Variants in TSPAN18 observed in about 807,000 individuals in gnomAD.
TSPAN18 encodes tetraspanin-18.
In TSPAN18, 14 loss-of-function variants were observed where a neutral mutation model predicts 27.3. The ratio of observed to expected loss-of-function variants is 0.51; its 90% CI spans 0.34 to 0.80. The LOEUF (loss-of-function observed/expected upper bound fraction) is 0.80. TSPAN18 is among the 30% of genes least tolerant of loss of function. TSPAN18 has a pLI of 0.01. For missense variants in TSPAN18, 268 were observed against 323.9 expected, an observed-to-expected ratio of 0.83 and a Z score of 1.32; for synonymous variants, 143 against 136.5, an observed-to-expected ratio of 1.05 and a Z score of -0.33.
intron 2 of TSPAN18, among the ~76,000 whole-genome samples, chr11:44,792,624 C>CT (rs1305906188): frequency 2.6e-5 from 4 of 152,168 alleles, no homozygotes; most frequent in African/African-American, 9.7e-5. Flanking sequence ...CCATCATGGG[C>CT]TTTGGTGGAG....
intron 2 of TSPAN18, among the ~76,000 whole-genome samples, chr11:44,787,814 C>T (rs1282203397): frequency 2.0e-5 from 3 of 152,088 alleles, no homozygotes; most frequent in Admixed American, 6.5e-5. Context: ...TCCTTTTTTG[C>T]GAGGGTGCTC....
intron 2 of TSPAN18, among the ~76,000 whole-genome samples, chr11:44,832,379 G>T (rs1053106314): frequency 6.6e-6 from 1 of 152,134 alleles, no homozygotes; most frequent in Non-Finnish European, 1.5e-5. Context: ...TTGATGGAGA[G>T]TAAACCTCAT....
chr11:44,807,011 A>C (rs1051337546), intron 2 of TSPAN18, among the ~76,000 whole-genome samples: 1 of 152,066 alleles, frequency 6.6e-6, no homozygotes, highest in Non-Finnish European at 1.5e-5. Context: ...TGCTTAAGAC[A>C]AAGTTTAAAA....
At chr11:44,840,692 G>A (rs544194057) in intron 2 of TSPAN18, among the ~76,000 whole-genome samples, 54 of 152,264 alleles carry the variant, frequency 3.5e-4, no homozygotes, top group African/African-American at 1.2e-3. Flanking sequence ...AACACACCAC[G>A]TTCATTATCC....
intron 3 of TSPAN18, among the ~76,000 whole-genome samples, chr11:44,879,147 C>T (rs1439676816): frequency 6.6e-6 from 1 of 152,144 alleles, no homozygotes; most frequent in Non-Finnish European, 1.5e-5. Flanking sequence ...TATAGTTGCT[C>T]CCCAGAAATG....
At chr11:44,761,089 G>C (rs1254921564) in intron 1 of TSPAN18, among the ~76,000 whole-genome samples, 1 of 152,146 alleles carries the variant, frequency 6.6e-6, no homozygotes, top group African/African-American at 2.4e-5. Context: ...TAGATAGGTC[G>C]CTTGCTCTGG....
In TSPAN18 at chr11:44,756,387, AT is replaced by A. The variant is rs923272180; in HGVS notation, c.-239-8030del. ...TCATAGCTACTCCCTTTTTTTCCCC[AT>A]TTTTTTTTAGTTGTCATAAAATACA... On this transcript the variant is annotated intron_variant, in intron 1 of 9. Transcript: ENST00000520358. Among the ~76,000 whole-genome samples the A allele has an allele frequency of 9.4e-5, 14 of 149,598 alleles. No homozygotes were observed. In the East Asian group the frequency reaches 9.8e-4, roughly 10 times the overall value.
intron 2 of TSPAN18, among the ~76,000 whole-genome samples, chr11:44,780,133 C>T (rs1218122109): frequency 2.6e-5 from 4 of 152,186 alleles, no homozygotes; most frequent in Non-Finnish European, 4.4e-5. Flanking sequence ...ACACATCCTT[C>T]CCTACACATT....
intron 1 of TSPAN18, among the ~76,000 whole-genome samples, chr11:44,734,484 G>A (rs560506976): frequency 2.6e-5 from 4 of 152,252 alleles, no homozygotes; most frequent in Non-Finnish European, 5.9e-5. Context: ...AGTAGGTGTC[G>A]TGTTTGCACC....
intron 8 of TSPAN18, among the ~76,000 whole-genome samples, chr11:44,923,957 C>T (rs11038215): frequency 0.04 from 6,133 of 152,138 alleles, 462 homozygotes; most frequent in African/African-American, 0.14. Flanking sequence ...CTGTCAAGGC[C>T]CAGGTGCCAC....
At chr11:44,820,611 T>C (rs1431488214) in intron 2 of TSPAN18, among the ~76,000 whole-genome samples, 1 of 152,160 alleles carries the variant, frequency 6.6e-6, no homozygotes, top group African/African-American at 2.4e-5. Flanking sequence ...AAATGATACT[T>C]TCCTAGGTTG....
At chr11:44,897,205 G>A (rs980082481) in intron 3 of TSPAN18, among the ~76,000 whole-genome samples, 4 of 152,104 alleles carry the variant, frequency 2.6e-5, no homozygotes, top group Admixed American at 6.5e-5. Context: ...TTCTGAAATC[G>A]AACCCTCATT....
intron 3 of TSPAN18, among the ~76,000 whole-genome samples, chr11:44,888,737 T>A (rs1858744740): frequency 6.6e-6 from 1 of 152,178 alleles, no homozygotes; most frequent in East Asian, 1.9e-4. Context: ...AGCTGTAGAA[T>A]TGGGGTAACC....
At chr11:44,897,821 C>T in intron 3 of TSPAN18, 2 of 1,289,422 alleles carry the variant, frequency 1.6e-6, no homozygotes, top group Non-Finnish European at 2.0e-6. Context: ...GCCCGAAGAA[C>T]TGCCCAGGTG....
chr11:44,887,485 A>G (rs1408075748), intron 3 of TSPAN18, among the ~76,000 whole-genome samples: 2 of 152,190 alleles, frequency 1.3e-5, no homozygotes, highest in Non-Finnish European at 2.9e-5. Context: ...GAATAATAAT[A>G]TGCCTGACTC....
In TSPAN18 at chr11:44,909,905, T is replaced by C; in HGVS notation, c.258+6T>C. On this transcript the variant is annotated splice_donor_region_variant and intron_variant, in intron 5 of 9. Transcript: ENST00000520358. The stretch of plus-strand genomic sequence containing the variant: ...ACAAGTGTCTGCTGCTATTTGTGAG[T>C]ACCCCAGCCCCCACCCCATCCATGG... 1 of 1,608,194 alleles carries C rather than the reference T, an allele frequency of 6.2e-7. No individual in the cohort carries two copies. The highest frequency in any genetic ancestry group is 8.5e-7 in the Non-Finnish European group (1 of 1,176,520).
intron 7 of TSPAN18, among the ~76,000 whole-genome samples, 177 bp downstream of exon 7, chr11:44,919,489 C>T (rs111910137): frequency 1.9e-3 from 293 of 152,364 alleles, no homozygotes; most frequent in African/African-American, 6.8e-3. Flanking sequence ...ACAGTCCCTA[C>T]TCGGGATGAA....
chr11:44,805,555 C>A (rs1283600739), intron 2 of TSPAN18, among the ~76,000 whole-genome samples: 1 of 152,152 alleles, frequency 6.6e-6, no homozygotes, highest in Non-Finnish European at 1.5e-5. Context: ...CTGAGCTTTG[C>A]TAATAGTGGG....
At chr11:44,765,552 A>G (rs1179235228) in intron 2 of TSPAN18, among the ~76,000 whole-genome samples, 1 of 152,184 alleles carries the variant, frequency 6.6e-6, no homozygotes, top group Non-Finnish European at 1.5e-5. Context: ...CTGTCCTCTC[A>G]TCTGTCATGT....
Sources: allele counts gnomAD v4.1 joint callset (sites outside exome capture counted in the v4.1 genomes callset), GRCh38; gene constraint gnomAD v4.1.1; transcripts MANE v1.5; gene names NCBI Gene and HGNC (gene_info 2026-07-23, HGNC 2026-07-21).